Variants in CDH26 observed in about 807,000 individuals in gnomAD.
The protein encoded by CDH26 is cadherin 26.
Under a neutral mutation model 90.3 loss-of-function variants are expected in CDH26, and 83 were observed. The ratio of observed to expected loss-of-function variants is 0.92; its 90% confidence interval spans 0.77 to 1.10. CDH26 has a LOEUF of 1.10. CDH26 is among the 50% of genes least tolerant of loss of function. The pLI is 0.00. For missense variants in CDH26, 1,013 were observed against 1,037.6 expected, an observed-to-expected ratio of 0.98 and a Z score of 0.33; for synonymous variants, 397 against 396.3, an observed-to-expected ratio of 1.00 and a Z score of -0.02.
chr20:59,973,552 C>T (rs1216513624), intron 4 of CDH26, among the ~76,000 whole-genome samples: 1 of 152,134 alleles, frequency 6.6e-6, no homozygotes, highest in Non-Finnish European at 1.5e-5. Flanking sequence ...TCCTCCCACC[C>T]TTCACCCTCT....
intron 8 of CDH26, among the ~76,000 whole-genome samples, 185 bp downstream of exon 8, chr20:59,987,823 ACTC>A (rs1213089217): frequency 4.6e-5 from 7 of 151,920 alleles, no homozygotes; most frequent in Admixed American, 2.6e-4. Context: ...TGGGCTGAGG[ACTC>A]CTCCTACCAA....
Position 59,970,064 on chromosome 20 carries a change from T to A in CDH26, c.127-18T>A. On this transcript the variant is annotated intron_variant, in intron 2 of 17. Coordinates refer to ENST00000348616, the MANE Select transcript of CDH26 (RefSeq NM_177980.4). ...TCACTGCCATCCTCATTGTCACCAG[T>A]GTCACTATAAGTTCCAGGAAAAGAT... is the stretch of plus-strand genomic sequence containing the variant. 6.2e-7 allele frequency: 1 copy of A among 1,608,568 alleles called. No individual in the cohort carries two copies. The highest frequency in any genetic ancestry group is 1.3e-5 in the African/African-American group (1 of 74,770).
downstream of CDH26, among the ~76,000 whole-genome samples, chr20:60,016,658 AAGAAGAG>A (rs2061908003): frequency 6.6e-6 from 1 of 152,068 alleles, no homozygotes; most frequent in Non-Finnish European, 1.5e-5. Flanking sequence ...TGTTGAATAC[AAGAAGAG>A]AGAGTGGGCA....
At chr20:59,967,955 CTAT>C (rs2061191282) in intron 1 of CDH26, among the ~76,000 whole-genome samples, 1 of 74,234 alleles carries the variant, frequency 1.3e-5, no homozygotes, top group African/African-American at 8.2e-5. Context: ...TTCTTTCTTT[CTAT>C]CTTTCTTTCT....
At chr20:59,972,176 T>G in intron 4 of CDH26, 53 bp downstream of exon 4, 1 of 1,535,972 alleles carries the variant, frequency 6.5e-7, no homozygotes. Context: ...CTTGCAAGAC[T>G]GTTGTATTTG....
chr20:59,975,371 C>T (rs2061315442), intron 4 of CDH26, among the ~76,000 whole-genome samples: 1 of 152,114 alleles, frequency 6.6e-6, no homozygotes, highest in Non-Finnish European at 1.5e-5. Context: ...TGCTAGCAAC[C>T]ACCCGAAGCC....
chr20:60,033,690 T>C, exon 9 of CDH26: 2 of 1,298,900 alleles, frequency 1.5e-6, no homozygotes, highest in South Asian at 1.2e-5. Context: ...GAGAGTACGG[T>C]GGAGGGGCAT....
chr20:59,983,222 G>A (rs1239166375), intron 5 of CDH26, 152 bp downstream of exon 5: 3 of 852,024 alleles, frequency 3.5e-6, no homozygotes, highest in Non-Finnish European at 3.5e-6. Flanking sequence ...TGAGCGAAAT[G>A]CTTTGAGGTC....
chr20:60,031,515 G>A, intron 8 of CDH26: 6 of 1,031,312 alleles, frequency 5.8e-6, no homozygotes, highest in Non-Finnish European at 7.1e-6. Context: ...TAATCCTTGA[G>A]AATTAAATCA....
At chr20:60,026,201 C>T (rs766479318) in intron 7 of CDH26, among the ~76,000 whole-genome samples, 6 of 152,348 alleles carry the variant, frequency 3.9e-5, no homozygotes, top group Middle Eastern at 3.4e-3. Context: ...ATGGTGAAGA[C>T]ATCCTCCCAA....
chr20:59,975,379 G>A (rs1167250314), intron 4 of CDH26, among the ~76,000 whole-genome samples: 1 of 152,150 alleles, frequency 6.6e-6, no homozygotes, highest in Non-Finnish European at 1.5e-5. Context: ...ACCACCCGAA[G>A]CCAGGAGAGG....
Position 60,006,766 on chromosome 20 carries a change from G to T in CDH26, c.2274G>T (p.Arg758Ser), listed in dbSNP as rs567265141. 4 of 1,613,888 alleles carry T rather than the reference G, an allele frequency of 2.5e-6. No individual in the cohort carries two copies. ...HRQLLAPVEG[R>S]MAETLNQKLH... ...AACTCCTGGCTCCGGTGGAAGGAAG[G>T]ATGGCAGAGACATTGAATCAGGTAG... is the stretch of plus-strand genomic sequence containing the variant. Residue 758 changes from arginine (R) to serine (S), a missense_variant, in exon 17 of 18, where the codon AGG becomes AGT. By Grantham distance (110) the Arg-to-Ser change is moderately radical (BLOSUM62 -1). Transcript: ENST00000348616.
rs1162039272 is a variant in CDH26 at position 59,967,957 on chromosome 20, ATCTTTCTTTCTTTCTTTCTTTCTT to A, written c.70-977_70-954del. Among the ~76,000 whole-genome samples, 134 of 59,548 alleles carry A rather than the reference ATCTTTCTTTCTTTCTTTCTTTCTT, an allele frequency of 2.3e-3. 4 individuals carry two copies. Among genetic ancestry groups the A allele is most frequent in the African/African-American group, 9.7e-3 (117 of 12,098 alleles). The allele number at this position is 59,548 out of a possible 152,430, so 39.1% of individuals were successfully genotyped here. On this transcript the variant is annotated intron_variant, in intron 1 of 17. Transcript: ENST00000348616. ...TCCCTTTCTTTCTTTCTTTCTTTCT[ATCTTTCTTTCTTTCTTTCTTTCTT>A]TCTTTCTTTCTTTCTTTCTTTCTTT...
At chr20:60,035,147 A>G (rs1001823365), downstream of CDH26, among the ~76,000 whole-genome samples, 10 of 152,212 alleles carry the variant, frequency 6.6e-5, no homozygotes. Flanking sequence ...TAGAGTTTTT[A>G]TGTCATTGTT....
intron 11 of CDH26, among the ~76,000 whole-genome samples, chr20:59,995,447 A>T (rs1183309859): frequency 6.6e-6 from 1 of 152,044 alleles, no homozygotes; most frequent in Non-Finnish European, 1.5e-5. Flanking sequence ...GCTGTCCCTC[A>T]TCGATGCTGA....
At position 59,958,684 on chromosome 20, in the gene CDH26, G is replaced by T. The variant is rs372817639; in HGVS notation, c.-43G>T. ...GGTGAGACCACCAGCTTGGAGGACT[G>T]GTCATCAGCTGCACGTTCTGGGTCT... On this transcript the variant is annotated 5_prime_UTR_variant, in exon 1 of 18. Transcript: ENST00000348616. The T allele has an allele frequency of 6.9e-6, 11 of 1,594,962 alleles. No individual in the cohort carries two copies. The highest frequency in any genetic ancestry group is 1.1e-5 in the South Asian group (1 of 90,570).
At chr20:59,970,516 C>T (rs2061245556) in intron 3 of CDH26, among the ~76,000 whole-genome samples, 1 of 145,074 alleles carries the variant, frequency 6.9e-6, no homozygotes, top group Non-Finnish European at 1.5e-5. Flanking sequence ...TATTTAAAAA[C>T]AGGGAGATTG....
Position 59,992,594 on chromosome 20 carries a change from G to C in CDH26, c.1426+74G>C. On this transcript the variant is annotated intron_variant, in intron 10 of 17. Transcript: ENST00000348616. This position sits in a 1 kb window ranked among gnomAD's most constrained non-coding sequence, Gnocchi z 5.0. The stretch of plus-strand genomic sequence containing the variant: ...CTGCGGGAAAATAACCCTGGTGAGC[G>C]TCTTTCAGCACAGCAGAGAAAAGGA... 6.9e-7 allele frequency: 1 copy of C among 1,455,660 alleles called. No homozygotes were observed. 90.2% of individuals were successfully genotyped at this position (1,455,660 alleles called of 1,614,324 possible). A position where few individuals can be genotyped will look rare whatever the true frequency, so the allele number is the denominator to read the frequency against.
chr20:60,029,559 C>T (rs2062025138), intron 7 of CDH26, among the ~76,000 whole-genome samples: 1 of 152,168 alleles, frequency 6.6e-6, no homozygotes, highest in African/African-American at 2.4e-5. Flanking sequence ...TGGTGGTTTG[C>T]TGTACCTATC....
Sources: allele counts gnomAD v4.1 joint callset (sites outside exome capture counted in the v4.1 genomes callset), GRCh38; gene constraint gnomAD v4.1.1; non-coding constraint Gnocchi (gnomAD v3.1); transcripts MANE v1.5; gene names NCBI Gene and HGNC (gene_info 2026-07-23, HGNC 2026-07-21).